Variants in CPNE4 observed in about 807,000 individuals in gnomAD.
CPNE4 encodes the protein copine 4.
A neutral mutation model predicts 67.9 loss-of-function variants in CPNE4; 25 were observed. The ratio of observed to expected loss-of-function variants is 0.37; its 90% CI spans 0.27 to 0.51. CPNE4 has a LOEUF of 0.51. CPNE4 is among the 20% of genes least tolerant of loss of function. The pLI is 0.93. For synonymous variants in CPNE4, 242 were observed against 244.9 expected, an observed-to-expected ratio of 0.99 and a Z score of 0.11; for missense variants, 464 against 690.8, an observed-to-expected ratio of 0.67 and a Z score of 3.68.
intron 2 of CPNE4, among the ~76,000 whole-genome samples, chr3:131,744,074 CAATGT>C (rs959628861): frequency 3.9e-4 from 58 of 148,292 alleles, no homozygotes; most frequent in African/African-American, 1.4e-3. Context: ...TGTTTGAATG[CAATGT>C]AAGAAAAATT....
rs952051670 is a variant in CPNE4 at position 131,601,399 on chromosome 3, C to T, written c.682-13817G>A. Among the ~76,000 whole-genome samples the T allele has an allele frequency of 3.9e-5, 6 of 152,106 alleles. No individual in the cohort carries two copies. The East Asian group carries it at 5.8e-4, about 15-fold the overall frequency. On this transcript the variant is annotated intron_variant, in intron 7 of 15. Coordinates refer to ENST00000429747, the MANE Select transcript of CPNE4 (RefSeq NM_130808.3). ...CTGATGATATAGTGCAGGTGATGGA[C>T]GTGCAAATAAATAATAGTGATGCAG... is the stretch of plus-strand genomic sequence containing the variant.
At chr3:131,851,312 CCTT>C (rs1324835765) in intron 2 of CPNE4, among the ~76,000 whole-genome samples, 2 of 151,932 alleles carry the variant, frequency 1.3e-5, no homozygotes. Flanking sequence ...TTTAATCTCT[CCTT>C]AACAAAACTC....
chr3:131,746,220 A>G (rs1265019276), intron 2 of CPNE4, among the ~76,000 whole-genome samples: 2 of 152,152 alleles, frequency 1.3e-5, no homozygotes, highest in Non-Finnish European at 2.9e-5. Context: ...GTGATAATCA[A>G]ACCATGGTAA....
intron 2 of CPNE4, among the ~76,000 whole-genome samples, chr3:131,827,485 A>G (rs978982452): frequency 6.6e-6 from 1 of 152,092 alleles, no homozygotes. Context: ...CAACGGACAA[A>G]TAAGATATAG....
At chr3:131,996,578 C>T (rs927769928) in intron 1 of CPNE4, among the ~76,000 whole-genome samples, 5 of 151,540 alleles carry the variant, frequency 3.3e-5, no homozygotes, top group African/African-American at 4.8e-5. Context: ...GCAGCAGTGA[C>T]GGTACTTAAT....
chr3:131,892,938 A>G (rs557273642), intron 2 of CPNE4, among the ~76,000 whole-genome samples: 26 of 152,220 alleles, frequency 1.7e-4, no homozygotes, highest in Admixed American at 1.2e-3. Flanking sequence ...TAAAAAAATC[A>G]GAAAACAACT....
At chr3:131,894,625 T>C (rs1238353469) in intron 2 of CPNE4, among the ~76,000 whole-genome samples, 1 of 151,866 alleles carries the variant, frequency 6.6e-6, no homozygotes, top group African/African-American at 2.4e-5. Context: ...TGTTCAATAT[T>C]ACTAATTATC....
chr3:131,606,107 G>A (rs559191866), intron 7 of CPNE4, among the ~76,000 whole-genome samples: 2 of 152,262 alleles, frequency 1.3e-5, no homozygotes, highest in East Asian at 1.9e-4. Context: ...AGGAAAAGGC[G>A]CTTGAAGACC....
At chr3:131,898,066 G>T (rs1472043592) in intron 2 of CPNE4, among the ~76,000 whole-genome samples, 2 of 152,006 alleles carry the variant, frequency 1.3e-5, no homozygotes, top group African/African-American at 2.4e-5. Flanking sequence ...AATCATCATT[G>T]TCATTAATAA....
At chr3:131,651,427 A>G (rs2079813954) in intron 7 of CPNE4, among the ~76,000 whole-genome samples, 1 of 152,230 alleles carries the variant, frequency 6.6e-6, no homozygotes, top group African/African-American at 2.4e-5. Flanking sequence ...AAGATGATAG[A>G]TAAACACATC....
intron 2 of CPNE4, among the ~76,000 whole-genome samples, chr3:131,870,846 G>A (rs897436571): frequency 5.3e-5 from 8 of 152,196 alleles, no homozygotes; most frequent in Non-Finnish European, 1.2e-4. Flanking sequence ...GCCACTGTCT[G>A]GTGGGGGAGT....
chr3:131,962,346 G>A (rs1162983803), intron 1 of CPNE4, among the ~76,000 whole-genome samples: 1 of 152,190 alleles, frequency 6.6e-6, no homozygotes, highest in Non-Finnish European at 1.5e-5. Flanking sequence ...CACCCGATCT[G>A]ACAGTTATAA....
chr3:131,673,340 T>C (rs2080473443), intron 6 of CPNE4, among the ~76,000 whole-genome samples: 1 of 152,072 alleles, frequency 6.6e-6, no homozygotes, highest in Admixed American at 6.6e-5. Context: ...TTCATATAAA[T>C]TTTAGGATTG....
chr3:131,732,656 G>A (rs998462848), intron 2 of CPNE4, among the ~76,000 whole-genome samples: 1 of 152,174 alleles, frequency 6.6e-6, no homozygotes, highest in Non-Finnish European at 1.5e-5. Flanking sequence ...TAGTCCCAGG[G>A]CATCTCAGAG....
intron 1 of CPNE4, among the ~76,000 whole-genome samples, chr3:131,986,980 C>T (rs926963537): frequency 6.6e-6 from 1 of 151,986 alleles, no homozygotes; most frequent in African/African-American, 2.4e-5. Context: ...AGTCCTCACT[C>T]AAGGCCAATT....
intron 2 of CPNE4, among the ~76,000 whole-genome samples, chr3:131,821,579 G>A (rs2084961764): frequency 6.6e-6 from 1 of 152,116 alleles, no homozygotes; most frequent in Non-Finnish European, 1.5e-5. Flanking sequence ...GAAAGGGTGT[G>A]GTGTGTTGGT....
At chr3:131,637,361 T>A (rs60340677) in intron 7 of CPNE4, among the ~76,000 whole-genome samples, 23,549 of 152,146 alleles carry the variant, frequency 0.15, 3,884 homozygotes, top group African/African-American at 0.42. Flanking sequence ...CCACAACTTC[T>A]GGAAATCAAT....
intron 2 of CPNE4, among the ~76,000 whole-genome samples, chr3:131,879,177 T>C (rs1033274084): frequency 6.6e-6 from 1 of 152,114 alleles, no homozygotes; most frequent in African/African-American, 2.4e-5. Flanking sequence ...TGTCAGTGAG[T>C]AAAAATCACA....
At chr3:131,673,837 T>C (rs1386783988) in intron 6 of CPNE4, among the ~76,000 whole-genome samples, 1 of 152,120 alleles carries the variant, frequency 6.6e-6, no homozygotes, top group South Asian at 2.1e-4. Flanking sequence ...CAGCTAGGAC[T>C]TCCATTTCCA....
Sources: gnomAD v4.1 joint callset for allele counts (sites outside exome capture counted in the v4.1 genomes callset) on GRCh38, gnomAD v4.1.1 for gene constraint, MANE v1.5 for transcripts, NCBI Gene and HGNC (gene_info 2026-07-23, HGNC 2026-07-21) for gene names.